The following RTN4RL1 variants were observed in gnomAD, a reference collection of about 807,000 sequenced individuals.
RTN4RL1 encodes the protein reticulon 4 receptor like 1, also known as reticulon-4 receptor-like 1.
A neutral mutation model predicts 25.6 loss-of-function variants in RTN4RL1; 7 were observed. The observed-to-expected ratio is 0.27, with a 90% CI of 0.16 to 0.51. The LOEUF (loss-of-function observed/expected upper bound fraction) is 0.51, where lower values mean the gene tolerates loss of function less well. RTN4RL1 is among the 20% of genes least tolerant of loss of function. RTN4RL1 has a pLI of 0.97. For missense variants in RTN4RL1, 500 were observed against 615.6 expected, an observed-to-expected ratio of 0.81 and a Z score of 1.99; for synonymous variants, 297 against 288.2, an observed-to-expected ratio of 1.03 and a Z score of -0.31.
chr17:1,940,109 A>G (rs990924627), intron 1 of RTN4RL1, among the ~76,000 whole-genome samples: 1 of 152,208 alleles, frequency 6.6e-6, no homozygotes, highest in African/African-American at 2.4e-5. Flanking sequence ...TGGCAGAAAC[A>G]GCCTCGTAAA....
At chr17:1,959,121 C>G (rs1915847784) in intron 1 of RTN4RL1, among the ~76,000 whole-genome samples, 1 of 152,236 alleles carries the variant, frequency 6.6e-6, no homozygotes, top group Non-Finnish European at 1.5e-5. Flanking sequence ...CGGGGTGGCC[C>G]AGGCCTCTTG....
chr17:2,023,838 C>T (rs1023918185), intron 1 of RTN4RL1, among the ~76,000 whole-genome samples: 12 of 152,210 alleles, frequency 7.9e-5, no homozygotes, highest in Non-Finnish European at 1.6e-4. Flanking sequence ...CCCTCGGCTA[C>T]CTGAGCTCCC....
rs9897320 is a variant in RTN4RL1, at chr17:2,013,769, A to T, written c.13+11084T>A. 3.8e-3 allele frequency among the ~76,000 whole-genome samples: 276 copies of T among 72,150 alleles called. 2 individuals carry two copies. Among genetic ancestry groups the T allele is most frequent in the African/African-American group, 0.011 (231 of 20,122 alleles). The allele number at this position is 72,150 out of a possible 152,430, so 47.3% of individuals were successfully genotyped here. A position where few individuals can be genotyped will look rare whatever the true frequency, so the allele number is the denominator to read the frequency against. On this transcript the variant is annotated intron_variant, in intron 1 of 1. Coordinates refer to ENST00000331238, the MANE Select transcript of RTN4RL1 (RefSeq NM_178568.4). Reference sequence around the variant, plus strand: ...CCTCACCCTGGAACATAAATACCCCAGCTCCCTCACCCTGGAACATAAATA... The same window carrying T: ...CCTCACCCTGGAACATAAATACCCCTGCTCCCTCACCCTGGAACATAAATA...
At chr17:2,014,659 T>C (rs1288120476) in intron 1 of RTN4RL1, among the ~76,000 whole-genome samples, 2 of 151,960 alleles carry the variant, frequency 1.3e-5, no homozygotes, top group Non-Finnish European at 2.9e-5. Flanking sequence ...TGGCAAAACC[T>C]TGTCTCTACT....
chr17:1,975,242 C>G (rs1161552010), intron 1 of RTN4RL1, among the ~76,000 whole-genome samples: 1 of 152,194 alleles, frequency 6.6e-6, no homozygotes, highest in East Asian at 1.9e-4. Flanking sequence ...TAAAATGTCC[C>G]AAACACCCAC....
At chr17:1,968,610 C>T (rs1000161461) in intron 1 of RTN4RL1, among the ~76,000 whole-genome samples, 3 of 152,204 alleles carry the variant, frequency 2.0e-5, no homozygotes, top group Non-Finnish European at 4.4e-5. Flanking sequence ...GCTAATGTTC[C>T]CTGCATGTGC....
At position 1,936,903 on chromosome 17, in the gene RTN4RL1, G is replaced by C. The variant is rs757583703; in HGVS notation, c.919C>G (p.Pro307Ala). 1 of 1,609,706 alleles carries C rather than the reference G, an allele frequency of 6.2e-7. No individual in the cohort carries two copies. Among genetic ancestry groups the C allele is most frequent in the Non-Finnish European group, 8.5e-7 (1 of 1,178,518 alleles). ...GACTTGATCTGGTGCGGGGACGCTG[G>C]TCCCGTGCAGTTCCGGAAGTCCTCG... Reference protein sequence around the residue: ...RAEDFRNCTGPASPHQIKSHT... With the variant: ...RAEDFRNCTGAASPHQIKSHT... Residue 307 changes from proline (P) to alanine (A), a missense_variant, in exon 2 of 2, where the codon CCA becomes GCA. This residue lies in a region of RTN4RL1 where 268 missense variants were observed against 274.5 expected (regional missense o/e 0.98). Coordinates refer to ENST00000331238, the MANE Select transcript of RTN4RL1 (RefSeq NM_178568.4).
At chr17:1,991,547 T>C (rs558865218) in intron 1 of RTN4RL1, among the ~76,000 whole-genome samples, 19 of 152,210 alleles carry the variant, frequency 1.2e-4, no homozygotes, top group South Asian at 1.2e-3. Context: ...GGCCCCAGTT[T>C]CTTTCTTCAG....
intron 1 of RTN4RL1, among the ~76,000 whole-genome samples, chr17:1,958,726 G>A (rs925767241): frequency 6.6e-5 from 10 of 152,244 alleles, no homozygotes; most frequent in East Asian, 3.8e-4. Context: ...CGTGCGGGCC[G>A]GCCGGCCAGA....
intron 1 of RTN4RL1, among the ~76,000 whole-genome samples, chr17:1,993,250 A>AAAAAG (rs886214950): frequency 1.2e-4 from 19 of 152,270 alleles, no homozygotes; most frequent in Admixed American, 8.5e-4. Context: ...TCTGTCTCAA[A>AAAAAG]AAAAGAAAAG....
intron 1 of RTN4RL1, among the ~76,000 whole-genome samples, chr17:1,988,126 G>A (rs1445840675): frequency 6.7e-6 from 1 of 149,638 alleles, no homozygotes; most frequent in Non-Finnish European, 1.5e-5. Context: ...GGAAAAAAAG[G>A]AAAAGAAGGA....
At chr17:2,001,054 C>CT (rs541156399) in intron 1 of RTN4RL1, among the ~76,000 whole-genome samples, 95,475 of 144,306 alleles carry the variant, frequency 0.66, 31,476 homozygotes, top group Middle Eastern at 0.72. Flanking sequence ...TTTTCATTTA[C>CT]TTTTTTTTTT....
At chr17:2,012,599 T>C (rs935966403) in intron 1 of RTN4RL1, among the ~76,000 whole-genome samples, 1 of 152,134 alleles carries the variant, frequency 6.6e-6, no homozygotes, top group African/African-American at 2.4e-5. Flanking sequence ...TCTCTCTGTT[T>C]TTTTTTTAAG....
At chr17:1,948,907 C>A (rs1477142536) in intron 1 of RTN4RL1, among the ~76,000 whole-genome samples, 1 of 152,100 alleles carries the variant, frequency 6.6e-6, no homozygotes, top group African/African-American at 2.4e-5. Context: ...ATTCTCCTGC[C>A]TCAGCCTCCT....
At chr17:1,960,453 C>T (rs536097178) in intron 1 of RTN4RL1, among the ~76,000 whole-genome samples, 5 of 152,350 alleles carry the variant, frequency 3.3e-5, no homozygotes, top group East Asian at 1.9e-4. Flanking sequence ...TCTCCAGCCC[C>T]GTCCTGCGCC....
Position 1,936,236 on chromosome 17 carries a change from GC to G in RTN4RL1, c.*259del. 7.7e-7 allele frequency: 1 copy of G among 1,292,494 alleles called. No individual in the cohort carries two copies. The highest frequency in any genetic ancestry group is 9.8e-7 in the Non-Finnish European group (1 of 1,023,136). The allele number at this position is 1,292,494 out of a possible 1,614,324, so 80.1% of individuals were successfully genotyped here. On this transcript the variant is annotated 3_prime_UTR_variant, in exon 2 of 2. Coordinates refer to ENST00000331238, the MANE Select transcript of RTN4RL1 (RefSeq NM_178568.4). The stretch of plus-strand genomic sequence containing the variant: ...CACTTGGAGTGCCTTTTCCCACCTT[GC>G]CAGAGTGGACACTGTCCGTGGGCGC...
chr17:2,020,867 A>ACGGGT (rs2067191521), intron 1 of RTN4RL1, among the ~76,000 whole-genome samples: 2 of 152,178 alleles, frequency 1.3e-5, no homozygotes, highest in South Asian at 4.1e-4. Flanking sequence ...CAGGAAAGCC[A>ACGGGT]CGGGTCCCGA....
chr17:2,017,928 C>T (rs1390643787), intron 1 of RTN4RL1: 1 of 152,374 alleles, frequency 6.6e-6, no homozygotes, highest in Non-Finnish European at 1.5e-5. Flanking sequence ...ATCAGCTAGA[C>T]TCTCTGCCTT....
At chr17:1,946,877 T>TGG in intron 1 of RTN4RL1, among the ~76,000 whole-genome samples, 1 of 144,682 alleles carries the variant, frequency 6.9e-6, no homozygotes, top group Non-Finnish European at 1.5e-5. Flanking sequence ...CGTGTGTCTG[T>TGG]GTCTCTGTGT....
Sources: gnomAD v4.1 joint callset for allele counts (sites outside exome capture counted in the v4.1 genomes callset) on GRCh38, gnomAD v4.1.1 for gene constraint, gnomAD v4.1.1 regional missense constraint, MANE v1.5 for transcripts, NCBI Gene and HGNC (gene_info 2026-07-23, HGNC 2026-07-21) for gene names.